Variants in LRRTM4 observed in about 807,000 individuals in gnomAD.
The protein encoded by LRRTM4 is leucine-rich repeat transmembrane neuronal protein 4.
Under a neutral mutation model 47.6 loss-of-function variants are expected in LRRTM4, and 25 were observed. The ratio of observed to expected loss-of-function variants is 0.53; its 90% CI spans 0.38 to 0.73. LRRTM4 has a LOEUF of 0.73. Ranked by LOEUF, LRRTM4 falls within the 30% of genes least tolerant of loss-of-function variation. The pLI, the probability that LRRTM4 is intolerant of heterozygous loss-of-function variation, is 0.00. For missense variants in LRRTM4, 638 were observed against 713.4 expected (o/e 0.89, Z 1.20); for synonymous variants, 311 against 269.5 (o/e 1.15, Z -1.51).
chr2:77,516,366 T>C (rs1048635777), intron 3 of LRRTM4, among the ~76,000 whole-genome samples: 7 of 151,836 alleles, frequency 4.6e-5, no homozygotes, highest in African/African-American at 1.7e-4. Flanking sequence ...TGGAATAATC[T>C]GTGAAATTTA....
intron 3 of LRRTM4, among the ~76,000 whole-genome samples, chr2:76,786,018 ATCTTTTT>A (rs1674652664): frequency 6.6e-6 from 1 of 152,176 alleles, no homozygotes; most frequent in Non-Finnish European, 1.5e-5. Context: ...AGCTGCTCCT[ATCTTTTT>A]AATAGCTTGT....
intron 3 of LRRTM4, among the ~76,000 whole-genome samples, chr2:77,261,824 A>G (rs2104042633): frequency 6.6e-6 from 1 of 152,248 alleles, no homozygotes; most frequent in Non-Finnish European, 1.5e-5. Flanking sequence ...TTTACTTAAC[A>G]TCTCATTACA....
chr2:77,246,562 A>G (rs1675452045), intron 3 of LRRTM4, among the ~76,000 whole-genome samples: 1 of 152,126 alleles, frequency 6.6e-6, no homozygotes, highest in Non-Finnish European at 1.5e-5. Flanking sequence ...GAGGCTACCA[A>G]ATTGGACTGC....
At chr2:77,471,508 T>C (rs1000300034) in intron 3 of LRRTM4, among the ~76,000 whole-genome samples, 4 of 152,130 alleles carry the variant, frequency 2.6e-5, no homozygotes, top group African/African-American at 7.2e-5. Flanking sequence ...ACTTGACTGG[T>C]TGGCCATTAC....
intron 3 of LRRTM4, among the ~76,000 whole-genome samples, chr2:77,508,450 A>G (rs1678859279): frequency 6.6e-6 from 1 of 152,178 alleles, no homozygotes; most frequent in East Asian, 1.9e-4. Flanking sequence ...TAATCAGAAT[A>G]TATATACTCA....
At chr2:77,304,462 C>G (rs984015638) in intron 3 of LRRTM4, among the ~76,000 whole-genome samples, 4 of 152,020 alleles carry the variant, frequency 2.6e-5, no homozygotes, top group Non-Finnish European at 5.9e-5. Flanking sequence ...GGTCCTCCAT[C>G]TAGACCACTT....
intron 3 of LRRTM4, among the ~76,000 whole-genome samples, chr2:77,435,433 T>TAAATA (rs1558742229): frequency 1.3e-5 from 2 of 152,218 alleles, no homozygotes; most frequent in Non-Finnish European, 2.9e-5. Context: ...CTAAACATTC[T>TAAATA]TAGGTCAATT....
chr2:77,148,303 G>A (rs1458289662), intron 3 of LRRTM4, among the ~76,000 whole-genome samples: 2 of 152,144 alleles, frequency 1.3e-5, no homozygotes, highest in African/African-American at 4.8e-5. Context: ...ATCTTAAAAT[G>A]CTTAAGGGAA....
At chr2:77,124,853 G>C (rs962630692) in intron 3 of LRRTM4, among the ~76,000 whole-genome samples, 1 of 152,034 alleles carries the variant, frequency 6.6e-6, no homozygotes, top group Non-Finnish European at 1.5e-5. Flanking sequence ...ACATTGTGCT[G>C]ACTTTTCAAA....
intron 3 of LRRTM4, among the ~76,000 whole-genome samples, chr2:77,212,728 G>C (rs944148723): frequency 9.9e-5 from 15 of 151,862 alleles, no homozygotes; most frequent in Non-Finnish European, 1.5e-4. Context: ...TTTATACCAA[G>C]CTGTGTCTGA....
chr2:77,193,531 C>T (rs756877041), intron 3 of LRRTM4, among the ~76,000 whole-genome samples: 24 of 151,058 alleles, frequency 1.6e-4, no homozygotes, highest in East Asian at 5.9e-4. Flanking sequence ...ATTTTTCGGC[C>T]GGGCGTAGTG....
chr2:77,083,550 ATATT>A (rs1264810073), intron 3 of LRRTM4, among the ~76,000 whole-genome samples: 1 of 152,190 alleles, frequency 6.6e-6, no homozygotes, highest in African/African-American at 2.4e-5. Flanking sequence ...AGTCCTGAAA[ATATT>A]AGACAGTCAG....
intron 3 of LRRTM4, among the ~76,000 whole-genome samples, chr2:77,456,598 T>C (rs1020444783): frequency 4.6e-5 from 7 of 152,126 alleles, no homozygotes. Context: ...AATGTTTTAA[T>C]GTAGTTTATC....
chr2:77,393,285 G>A (rs193241722), intron 3 of LRRTM4, among the ~76,000 whole-genome samples: 20 of 151,922 alleles, frequency 1.3e-4, no homozygotes, highest in Non-Finnish European at 2.5e-4. Context: ...ACCCTCCCAC[G>A]GCATAGAGTC....
At chr2:77,381,440 G>T (rs969529159) in intron 3 of LRRTM4, among the ~76,000 whole-genome samples, 2 of 152,040 alleles carry the variant, frequency 1.3e-5, no homozygotes, top group African/African-American at 2.4e-5. Flanking sequence ...ATAACAGCAA[G>T]GGAGCAAATT....
At chr2:77,340,966 T>A (rs1190232718) in intron 3 of LRRTM4, among the ~76,000 whole-genome samples, 1 of 151,896 alleles carries the variant, frequency 6.6e-6, no homozygotes, top group East Asian at 1.9e-4. Context: ...TGTGAAACCC[T>A]GATATAAAGC....
chr2:77,102,770 A>G (rs867477060), intron 3 of LRRTM4, among the ~76,000 whole-genome samples: 2 of 152,182 alleles, frequency 1.3e-5, no homozygotes, highest in African/African-American at 2.4e-5. Flanking sequence ...GTGAACCTCA[A>G]TATTATCACA....
intron 3 of LRRTM4, among the ~76,000 whole-genome samples, chr2:76,890,735 C>A (rs1375542814): frequency 6.6e-6 from 1 of 151,934 alleles, no homozygotes; most frequent in Non-Finnish European, 1.5e-5. Context: ...ACATAACTGA[C>A]AACATCTACA....
chr2:77,419,332 T>C (rs1256000425), intron 3 of LRRTM4, among the ~76,000 whole-genome samples: 1 of 152,178 alleles, frequency 6.6e-6, no homozygotes, highest in East Asian at 1.9e-4. Flanking sequence ...TATACATTTG[T>C]CCCTCGGTAT....
Sources: gnomAD v4.1 joint callset for allele counts (sites outside exome capture counted in the v4.1 genomes callset) on GRCh38, gnomAD v4.1.1 for gene constraint, MANE v1.5 for transcripts, NCBI Gene and HGNC (gene_info 2026-07-23, HGNC 2026-07-21) for gene names.